The following LRMDA variants were observed in gnomAD, a reference collection of about 807,000 sequenced individuals.
LRMDA encodes the protein leucine rich melanocyte differentiation associated.
LRMDA carries 18 observed loss-of-function variants against 29.8 expected under a neutral mutation model. The observed-to-expected ratio is 0.60, with a 90% CI of 0.42 to 0.90. The LOEUF (loss-of-function observed/expected upper bound fraction) is 0.90. Among genes scored for constraint, LRMDA ranks in the 40% least tolerant of loss-of-function variants. The pLI is 0.00. For missense variants in LRMDA, 273 were observed against 273.9 expected (o/e 1.00, Z 0.02); for synonymous variants, 125 against 109.4 (o/e 1.14, Z -0.89).
At chr10:76,035,528 A>G (rs1848226595) in intron 2 of LRMDA, among the ~76,000 whole-genome samples, 1 of 152,214 alleles carries the variant, frequency 6.6e-6, no homozygotes, top group Non-Finnish European at 1.5e-5. Flanking sequence ...AACTGCTAAG[A>G]AATGATACTT....
At chr10:76,425,628 G>A (rs868612957) in intron 6 of LRMDA, among the ~76,000 whole-genome samples, 3 of 151,120 alleles carry the variant, frequency 2.0e-5, no homozygotes, top group Middle Eastern at 3.4e-3. Context: ...TATACTTTAA[G>A]TTCTAGGGTA....
At chr10:75,484,101 A>G (rs1487276574) in intron 2 of LRMDA, among the ~76,000 whole-genome samples, 1 of 151,990 alleles carries the variant, frequency 6.6e-6, no homozygotes, top group African/African-American at 2.4e-5. Context: ...GACTACAGGC[A>G]TGGGCCACCA....
chr10:76,033,531 G>A (rs763575691), intron 2 of LRMDA, among the ~76,000 whole-genome samples: 8 of 152,022 alleles, frequency 5.3e-5, no homozygotes, highest in African/African-American at 1.2e-4. Flanking sequence ...ATGCTGTGTC[G>A]TTTTGCTTTA....
chr10:76,534,120 C>A (rs1843266591), intron 6 of LRMDA, among the ~76,000 whole-genome samples: 1 of 152,204 alleles, frequency 6.6e-6, no homozygotes, highest in Admixed American at 6.5e-5. Flanking sequence ...CCATAACTCA[C>A]AGTAAAATTA....
At chr10:76,468,865 G>T (rs1842590272) in intron 6 of LRMDA, among the ~76,000 whole-genome samples, 2 of 152,098 alleles carry the variant, frequency 1.3e-5, no homozygotes, top group African/African-American at 4.8e-5. Context: ...ACATTAAGAG[G>T]CATGGAGAGG....
chr10:75,680,560 T>C (rs1842011391), intron 2 of LRMDA, among the ~76,000 whole-genome samples: 1 of 152,158 alleles, frequency 6.6e-6, no homozygotes, highest in Non-Finnish European at 1.5e-5. Context: ...ATATTGTATA[T>C]GCTCAATAAG....
intron 2 of LRMDA, among the ~76,000 whole-genome samples, chr10:75,951,061 G>T (rs977714000): frequency 5.9e-5 from 9 of 152,136 alleles, no homozygotes; most frequent in African/African-American, 2.2e-4. Flanking sequence ...GGCTCCACGT[G>T]TCATTCCTGG....
Position 75,902,131 on chromosome 10 carries a change from C to T in LRMDA, c.132-133877C>T, listed in dbSNP as rs1310852501. Among the ~76,000 whole-genome samples, 4 of 152,162 alleles carry T rather than the reference C, an allele frequency of 2.6e-5. No individual in the cohort carries two copies. The East Asian group carries it at 7.7e-4, about 29-fold the overall frequency. On this transcript the variant is annotated intron_variant, in intron 2 of 6. Transcript: ENST00000611255. ...CTTTGCACACATCCACATGGGCACC[C>T]AGCTTGCCCATCCAAGGTCTACCCA...
chr10:75,888,916 G>A (rs1326429077), intron 2 of LRMDA, among the ~76,000 whole-genome samples: 1 of 152,118 alleles, frequency 6.6e-6, no homozygotes, highest in Non-Finnish European at 1.5e-5. Flanking sequence ...GATAAAAATG[G>A]GCCTTTTGTA....
chr10:75,795,412 A>C (rs1326319982), intron 2 of LRMDA, among the ~76,000 whole-genome samples: 2 of 124,984 alleles, frequency 1.6e-5, no homozygotes, highest in Non-Finnish European at 3.9e-5. Flanking sequence ...TAAATAAAAT[A>C]AAATAAAAGA....
intron 6 of LRMDA, among the ~76,000 whole-genome samples, chr10:76,459,709 A>G (rs1328930065): frequency 6.6e-6 from 1 of 152,126 alleles, no homozygotes; most frequent in East Asian, 1.9e-4. Flanking sequence ...CAGGTGCTTC[A>G]TGTTTTCACC....
At chr10:76,230,666 G>C (rs1852042749) in intron 5 of LRMDA, among the ~76,000 whole-genome samples, 1 of 151,598 alleles carries the variant, frequency 6.6e-6, no homozygotes, top group Non-Finnish European at 1.5e-5. Context: ...TTCTTTATCT[G>C]AGCTGTCTTG....
At chr10:75,850,930 C>G (rs1228914375) in intron 2 of LRMDA, among the ~76,000 whole-genome samples, 1 of 152,104 alleles carries the variant, frequency 6.6e-6, no homozygotes, top group Non-Finnish European at 1.5e-5. Flanking sequence ...AACATATTGT[C>G]TCATGAGAAA....
chr10:75,695,432 T>G (rs1413536621), intron 2 of LRMDA, among the ~76,000 whole-genome samples: 1 of 152,132 alleles, frequency 6.6e-6, no homozygotes, highest in Non-Finnish European at 1.5e-5. Flanking sequence ...ATGCATTTGT[T>G]TGCTTCTGCA....
intron 2 of LRMDA, among the ~76,000 whole-genome samples, chr10:75,740,741 G>C (rs116717476): frequency 0.012 from 1,807 of 152,242 alleles, 32 homozygotes; most frequent in African/African-American, 0.039. Flanking sequence ...AAATAGTGGT[G>C]CTTAGTAAGT....
At chr10:75,762,312 C>T (rs754605293) in intron 2 of LRMDA, among the ~76,000 whole-genome samples, 5 of 152,208 alleles carry the variant, frequency 3.3e-5, no homozygotes, top group South Asian at 2.1e-4. Context: ...GCTTTGAATG[C>T]GACCCAACAC....
intron 2 of LRMDA, among the ~76,000 whole-genome samples, chr10:75,875,355 T>C (rs749649071): frequency 7.2e-5 from 11 of 152,228 alleles, no homozygotes; most frequent in Admixed American, 1.3e-4. Flanking sequence ...ACTGAGGAGT[T>C]TGGAGAAGGA....
intron 6 of LRMDA, among the ~76,000 whole-genome samples, chr10:76,399,436 T>C (rs770803898): frequency 6.6e-6 from 1 of 152,336 alleles, no homozygotes; most frequent in Non-Finnish European, 1.5e-5. Context: ...AGAAGAGAGT[T>C]GCCAGGGCAT....
Position 75,634,623 on chromosome 10 carries a change from G to A in LRMDA, c.131+196129G>A, listed in dbSNP as rs1328735630. 2.0e-5 allele frequency among the ~76,000 whole-genome samples: 3 copies of A among 152,328 alleles called. No individual in the cohort carries two copies. In the East Asian group the frequency reaches 5.8e-4, roughly 29 times the overall value. ...TGCAATCCCTGCCTCAGCTAATGCA[G>A]TAAGATAAGAAATTGAAAACAGAGG... On this transcript the variant is annotated intron_variant, in intron 2 of 6. Coordinates refer to ENST00000611255, the MANE Select transcript of LRMDA (RefSeq NM_001305581.2).
Sources: allele counts gnomAD v4.1 joint callset (sites outside exome capture counted in the v4.1 genomes callset), GRCh38; gene constraint gnomAD v4.1.1; transcripts MANE v1.5; gene names NCBI Gene and HGNC (gene_info 2026-07-23, HGNC 2026-07-21).